Variants in PXDNL observed in about 807,000 individuals in gnomAD.
PXDNL encodes the protein probable oxidoreductase PXDNL.
Under a neutral mutation model 150.8 loss-of-function variants are expected in PXDNL, and 145 were observed. The observed-to-expected ratio is 0.96, with a 90% CI of 0.84 to 1.10. The LOEUF is 1.10. Among genes scored for constraint, PXDNL ranks in the 50% least tolerant of loss-of-function variants. PXDNL has a pLI of 0.00. For synonymous variants in PXDNL, 757 were observed against 725.7 expected, an observed-to-expected ratio of 1.04 and a Z score of -0.69; for missense variants, 2,087 against 1,873.9, an observed-to-expected ratio of 1.11 and a Z score of -2.10.
chr8:51,711,749 T>C lies in PXDNL; in HGVS notation c.165-56989A>G, dbSNP rs115040790. On this transcript the variant is annotated intron_variant, in intron 1 of 22. Coordinates refer to ENST00000356297, the MANE Select transcript of PXDNL (RefSeq NM_144651.5). ...GCCTAGACCACTGTTTCCAAAAGTA[T>C]ATATATGCAGTATACAGTTATTTTA... is the stretch of plus-strand genomic sequence containing the variant. 7.6e-3 allele frequency among the ~76,000 whole-genome samples: 1,153 copies of C among 152,368 alleles called. 16 individuals carry two copies. Among genetic ancestry groups the C allele is most frequent in the African/African-American group, 0.026 (1,095 of 41,584 alleles).
intron 7 of PXDNL, 66 bp from the exon 8 acceptor site, chr8:51,472,370 G>C: frequency 1.6e-6 from 2 of 1,212,218 alleles, no homozygotes; most frequent in Non-Finnish European, 2.4e-6. Flanking sequence ...AAGATGCTGA[G>C]AAAGAGATAT....
At chr8:51,450,685 A>T (rs1045408604) in intron 10 of PXDNL, among the ~76,000 whole-genome samples, 1 of 152,214 alleles carries the variant, frequency 6.6e-6, no homozygotes, top group South Asian at 2.1e-4. Context: ...TCCAAGTCAC[A>T]CAAATTCATG....
At chr8:51,522,920 A>G (rs888817508) in intron 4 of PXDNL, among the ~76,000 whole-genome samples, 1 of 151,984 alleles carries the variant, frequency 6.6e-6, no homozygotes, top group Non-Finnish European at 1.5e-5. Context: ...TCCATTTAAT[A>G]AAATACTTTA....
At chr8:51,791,347 G>T (rs1350430957) in intron 1 of PXDNL, among the ~76,000 whole-genome samples, 1 of 152,242 alleles carries the variant, frequency 6.6e-6, no homozygotes, top group Non-Finnish European at 1.5e-5. Context: ...TCACAACTGT[G>T]TAGTCCAAAT....
chr8:51,528,201 G>C (rs1346661284), intron 4 of PXDNL, among the ~76,000 whole-genome samples: 1 of 152,152 alleles, frequency 6.6e-6, no homozygotes, highest in Non-Finnish European at 1.5e-5. Context: ...CAGCTGAGAA[G>C]GTGACTCAGG....
intron 1 of PXDNL, among the ~76,000 whole-genome samples, chr8:51,727,986 C>T (rs980037118): frequency 1.3e-5 from 2 of 152,146 alleles, no homozygotes; most frequent in African/African-American, 4.8e-5. Context: ...AAATTTTGTT[C>T]TCTTAAATTT....
chr8:51,755,634 T>C (rs1009375297), intron 1 of PXDNL, among the ~76,000 whole-genome samples: 31 of 152,304 alleles, frequency 2.0e-4, no homozygotes, highest in African/African-American at 6.3e-4. Context: ...GCTGTGATGG[T>C]AGATGAATAA....
At chr8:51,688,235 G>A (rs1256451848) in intron 1 of PXDNL, among the ~76,000 whole-genome samples, 1 of 152,030 alleles carries the variant, frequency 6.6e-6, no homozygotes, top group East Asian at 1.9e-4. Context: ...AGTGGCATGG[G>A]TGCAGGAAGA....
chr8:51,788,191 TG>T (rs2037478211), intron 1 of PXDNL, among the ~76,000 whole-genome samples: 2 of 152,384 alleles, frequency 1.3e-5, no homozygotes, highest in East Asian at 3.9e-4. Context: ...TGTAGTTGTC[TG>T]GGACTAAACC....
intron 2 of PXDNL, among the ~76,000 whole-genome samples, chr8:51,604,035 C>T (rs1171389747): frequency 6.6e-6 from 1 of 152,034 alleles, no homozygotes; most frequent in Non-Finnish European, 1.5e-5. Flanking sequence ...ATTATAATTG[C>T]TTTAAGAAAC....
intron 1 of PXDNL, among the ~76,000 whole-genome samples, chr8:51,740,880 T>C (rs780776965): frequency 6.6e-6 from 1 of 152,218 alleles, no homozygotes; most frequent in Admixed American, 6.5e-5. Flanking sequence ...TACTGAAGAT[T>C]TTCACATCAA....
intron 4 of PXDNL, among the ~76,000 whole-genome samples, chr8:51,540,194 G>A (rs1316923762): frequency 6.6e-6 from 1 of 151,956 alleles, no homozygotes; most frequent in Non-Finnish European, 1.5e-5. Context: ...CACTGAGTCT[G>A]GACCAGTTAT....
chr8:51,808,224 G>T (rs995498559), intron 1 of PXDNL, among the ~76,000 whole-genome samples: 3 of 152,080 alleles, frequency 2.0e-5, no homozygotes, highest in African/African-American at 7.2e-5. Flanking sequence ...CCCAAGAATG[G>T]ACTTGAAACA....
intron 3 of PXDNL, among the ~76,000 whole-genome samples, chr8:51,587,893 C>T (rs1254511927): frequency 6.6e-6 from 1 of 152,136 alleles, no homozygotes; most frequent in Non-Finnish European, 1.5e-5. Context: ...ATAAGGAGAG[C>T]ATGGCCACCC....
At chr8:51,420,465 T>C (rs1252816545) in intron 14 of PXDNL, among the ~76,000 whole-genome samples, 1 of 152,222 alleles carries the variant, frequency 6.6e-6, no homozygotes, top group East Asian at 1.9e-4. Flanking sequence ...TATTAAAAAA[T>C]ATTTCTAACA....
At chr8:51,527,777 G>A (rs1420877995) in intron 4 of PXDNL, among the ~76,000 whole-genome samples, 1 of 152,168 alleles carries the variant, frequency 6.6e-6, no homozygotes, top group African/African-American at 2.4e-5. Context: ...TGCAGAGGGT[G>A]CAACAGTGGG....
At chr8:51,548,055 C>A (rs1006254922) in intron 4 of PXDNL, among the ~76,000 whole-genome samples, 7 of 111,742 alleles carry the variant, frequency 6.3e-5, no homozygotes, top group Admixed American at 5.3e-4. Context: ...AAGTTTTGAA[C>A]AATAAAATCA....
chr8:51,477,677 G>A (rs562801485), intron 6 of PXDNL, among the ~76,000 whole-genome samples: 6 of 152,204 alleles, frequency 3.9e-5, no homozygotes, highest in African/African-American at 7.2e-5. Context: ...TCACCATGAC[G>A]TTCCTCTGAC....
intron 8 of PXDNL, among the ~76,000 whole-genome samples, chr8:51,466,386 C>T (rs1042660548): frequency 2.0e-5 from 3 of 152,064 alleles, no homozygotes; most frequent in African/African-American, 7.2e-5. Context: ...TCACCATATA[C>T]AAAAATCAAC....
Sources: gnomAD v4.1 joint callset for allele counts (sites outside exome capture counted in the v4.1 genomes callset) on GRCh38, gnomAD v4.1.1 for gene constraint, MANE v1.5 for transcripts, NCBI Gene and HGNC (gene_info 2026-07-23, HGNC 2026-07-21) for gene names.